The following SFI1 variants were observed in gnomAD, a reference collection of about 807,000 sequenced individuals.
The protein encoded by SFI1 is SFI1 centrin binding protein.
Under a neutral mutation model 207.5 loss-of-function variants are expected in SFI1, and 195 were observed. That is an observed-to-expected ratio of 0.94 (90% CI 0.84 to 1.06). SFI1 has a LOEUF of 1.06. Ranked by LOEUF, SFI1 falls within the 50% of genes least tolerant of loss-of-function variation. The probability of loss-of-function intolerance (pLI) is 0.00; values close to 1 mark genes in which losing one functional copy is unlikely to be tolerated. For synonymous variants in SFI1, 630 were observed against 598.9 expected (o/e 1.05, Z -0.76); for missense variants, 1,634 against 1,588.0 (o/e 1.03, Z -0.49).
At chr22:31,510,673 A>AC (rs1362340118) in intron 2 of SFI1, among the ~76,000 whole-genome samples, 4 of 151,986 alleles carry the variant, frequency 2.6e-5, no homozygotes, top group Non-Finnish European at 5.9e-5. Context: ...ACCTCAAATC[A>AC]CCCACCTACC....
At chr22:31,507,775 A>T (rs1304441668) in intron 1 of SFI1, among the ~76,000 whole-genome samples, 1 of 152,198 alleles carries the variant, frequency 6.6e-6, no homozygotes, top group African/African-American at 2.4e-5. Context: ...AGAGAAATGC[A>T]AATCAAAGCC....
Position 31,496,606 on chromosome 22 carries a change from C to T in SFI1, c.-62C>T, listed in dbSNP as rs1352026509. On this transcript the variant is annotated 5_prime_UTR_variant, in exon 1 of 33. Coordinates refer to ENST00000400288, the MANE Select transcript of SFI1 (RefSeq NM_001007467.3). The stretch of plus-strand genomic sequence containing the variant: ...CGCCGTATACCGCCGGGTTTTCTCC[C>T]AACGTCAGGCCCGATGGCTCGGCTT... The T allele has an allele frequency of 6.6e-6, 1 of 152,302 alleles. No homozygotes were observed. Among genetic ancestry groups the T allele is most frequent in the Non-Finnish European group, 1.5e-5 (1 of 68,088 alleles). The allele number at this position is 152,302 out of a possible 1,614,324, so 9.4% of individuals were successfully genotyped here.
rs1333842366 is a variant in SFI1, at chr22:31,613,132, C to G, written c.2491-10C>G. Reference sequence around the variant, plus strand: ...GCTATAGGGAAATGATCTGGTCTTTCTGGCCCTAGCTGGCAGCCAGGAGGC... The same window carrying G: ...GCTATAGGGAAATGATCTGGTCTTTGTGGCCCTAGCTGGCAGCCAGGAGGC... On this transcript the variant is annotated splice_polypyrimidine_tract_variant and intron_variant, in intron 24 of 32. Coordinates refer to ENST00000400288, the MANE Select transcript of SFI1 (RefSeq NM_001007467.3). 11 of 1,612,618 alleles carry G rather than the reference C, an allele frequency of 6.8e-6. No homozygotes were observed.
chr22:31,614,741 T>G, intron 27 of SFI1, 48 bp from the exon 28 acceptor site: 1 of 1,600,076 alleles, frequency 6.2e-7, no homozygotes, highest in Non-Finnish European at 8.6e-7. Context: ...CAGACCCCCC[T>G]GCAGCCCCTG....
At chr22:31,595,028 G>A (rs546605765) in intron 15 of SFI1, among the ~76,000 whole-genome samples, 2 of 151,720 alleles carry the variant, frequency 1.3e-5, no homozygotes, top group Non-Finnish European at 2.9e-5. Flanking sequence ...TTGGAGTCTT[G>A]TCCTTTCGCC....
chr22:31,513,081 G>A (rs965191625), intron 2 of SFI1, among the ~76,000 whole-genome samples: 8 of 152,108 alleles, frequency 5.3e-5, no homozygotes, highest in Middle Eastern at 3.2e-3. Context: ...CACCATGCCC[G>A]GCTGATGTTA....
At chr22:31,572,420 C>T (rs145406990) in intron 8 of SFI1, among the ~76,000 whole-genome samples, 61 of 152,232 alleles carry the variant, frequency 4.0e-4, no homozygotes, top group Middle Eastern at 6.8e-3. Flanking sequence ...CTTCCTCTGA[C>T]TTTGGAAGAA....
chr22:31,613,794 G>T lies in SFI1; in HGVS notation c.2935G>T (p.Ala979Ser). ...DGTLETKRPQ[A>S]SRPLGALGRL... ...CACCCTTGAGACCAAGAGGCCACAG[G>T]CTTCTCGGCCTCTGGGAGCTCTGGG... Residue 979 changes from alanine to serine, a missense_variant, in exon 27 of 33, where the codon GCT (alanine) becomes TCT (serine). By Grantham distance (99) the Ala-to-Ser change is moderately conservative. Transcript: ENST00000400288. 6.2e-7 allele frequency: 1 copy of T among 1,611,996 alleles called. No individual in the cohort carries two copies. Among genetic ancestry groups the T allele is most frequent in the South Asian group, 1.1e-5 (1 of 90,812 alleles).
intron 1 of SFI1, among the ~76,000 whole-genome samples, 180 bp downstream of exon 1, chr22:31,496,817 G>C (rs2052722636): frequency 6.6e-6 from 1 of 152,236 alleles, no homozygotes; most frequent in African/African-American, 2.4e-5. Flanking sequence ...CGGGAATGGA[G>C]GAAGTGCGAC....
chr22:31,534,241 C>A (rs2058771823), intron 4 of SFI1, among the ~76,000 whole-genome samples: 1 of 152,150 alleles, frequency 6.6e-6, no homozygotes, highest in African/African-American at 2.4e-5. Flanking sequence ...GATCTACCCA[C>A]CTCGGCCTCC....
chr22:31,507,743 A>G (rs1231687982), intron 1 of SFI1, among the ~76,000 whole-genome samples: 2 of 152,196 alleles, frequency 1.3e-5, no homozygotes, highest in African/African-American at 4.8e-5. Context: ...ACATGAAAAA[A>G]AGCTCAATAT....
chr22:31,552,243 G>A (rs1202454375), intron 6 of SFI1, among the ~76,000 whole-genome samples: 1 of 151,948 alleles, frequency 6.6e-6, no homozygotes, highest in African/African-American at 2.4e-5. Context: ...GTATTCCATG[G>A]TGTGTATTTT....
At chr22:31,503,947 A>G (rs1161463228) in intron 1 of SFI1, among the ~76,000 whole-genome samples, 1 of 152,090 alleles carries the variant, frequency 6.6e-6, no homozygotes, top group Non-Finnish European at 1.5e-5. Context: ...GCAAGTTTAT[A>G]TTCATACATG....
chr22:31,591,774 G>A (rs1467579429), intron 15 of SFI1, among the ~76,000 whole-genome samples: 1 of 66,458 alleles, frequency 1.5e-5, no homozygotes, highest in Non-Finnish European at 2.8e-5. Flanking sequence ...TGGGCGGGGG[G>A]GCTGACCCCC....
intron 2 of SFI1, among the ~76,000 whole-genome samples, chr22:31,525,014 G>C (rs1206359599): frequency 6.6e-6 from 1 of 151,708 alleles, no homozygotes; most frequent in Non-Finnish European, 1.5e-5. Flanking sequence ...GGCTGGTCTT[G>C]AACTCCTGAC....
chr22:31,519,036 G>A (rs1322248443), intron 2 of SFI1, among the ~76,000 whole-genome samples: 1 of 152,044 alleles, frequency 6.6e-6, no homozygotes, highest in Non-Finnish European at 1.5e-5. Context: ...TTGTTGATTT[G>A]CTTTGCATCC....
At chr22:31,498,860 CTTTTTTT>C (rs60377913) in intron 1 of SFI1, among the ~76,000 whole-genome samples, 9 of 134,834 alleles carry the variant, frequency 6.7e-5, no homozygotes, top group African/African-American at 2.2e-4. Flanking sequence ...TTCTTTTTTT[CTTTTTTT>C]TTTTTTTTGA....
At chr22:31,566,604 GT>G (rs2062341847) in intron 8 of SFI1, among the ~76,000 whole-genome samples, 1 of 152,144 alleles carries the variant, frequency 6.6e-6, no homozygotes, top group African/African-American at 2.4e-5. Context: ...TATTTCATCT[GT>G]TTGTACCTCA....
intron 8 of SFI1, among the ~76,000 whole-genome samples, chr22:31,567,896 T>C (rs1292057448): frequency 1.3e-5 from 2 of 152,168 alleles, no homozygotes; most frequent in Non-Finnish European, 1.5e-5. Context: ...CTGTTCACCC[T>C]GGTGGAATGT....
Sources: allele counts gnomAD v4.1 joint callset (sites outside exome capture counted in the v4.1 genomes callset), GRCh38; gene constraint gnomAD v4.1.1; transcripts MANE v1.5; gene names NCBI Gene and HGNC (gene_info 2026-07-23, HGNC 2026-07-21).